The following SLIT3 variants were observed in gnomAD, a reference collection of about 807,000 sequenced individuals.
The protein encoded by SLIT3 is slit guidance ligand 3, also known as slit homolog 3 protein.
A neutral mutation model predicts 184.0 loss-of-function variants in SLIT3; 68 were observed. The ratio of observed to expected loss-of-function variants is 0.37; its 90% CI spans 0.30 to 0.45. The LOEUF is 0.45. SLIT3 is among the 20% of genes least tolerant of loss of function. The probability of loss-of-function intolerance (pLI) is 1.00; values close to 1 mark genes in which losing one functional copy is unlikely to be tolerated. For missense variants in SLIT3, 1,707 were observed against 2,026.0 expected (o/e 0.84, Z 3.02); for synonymous variants, 831 against 828.6 (o/e 1.00, Z -0.05).
At chr5:168,921,078 AT>A (rs1037310377) in intron 4 of SLIT3, among the ~76,000 whole-genome samples, 9 of 151,922 alleles carry the variant, frequency 5.9e-5, no homozygotes, top group African/African-American at 2.2e-4. Context: ...TAAAACCCTG[AT>A]TTTTCCCCTC....
intron 3 of SLIT3, among the ~76,000 whole-genome samples, chr5:169,229,407 T>C (rs929619165): frequency 6.6e-6 from 1 of 152,240 alleles, no homozygotes; most frequent in Non-Finnish European, 1.5e-5. Flanking sequence ...TGTCTGTATG[T>C]CTTTTTAGAG....
chr5:168,670,751 T>A (rs1355121924), intron 34 of SLIT3, among the ~76,000 whole-genome samples: 2 of 152,174 alleles, frequency 1.3e-5, no homozygotes, highest in Non-Finnish European at 2.9e-5. Flanking sequence ...CTGGATCTCC[T>A]ATATTTAGCA....
At chr5:168,807,719 C>T (rs75823200) in intron 8 of SLIT3, among the ~76,000 whole-genome samples, 16,403 of 152,078 alleles carry the variant, frequency 0.11, 1,191 homozygotes, top group African/African-American at 0.19. Context: ...AGATTAAACA[C>T]AGAACATGAA....
At chr5:168,860,197 GAGA>G (rs982816568) in intron 5 of SLIT3, among the ~76,000 whole-genome samples, 2 of 152,144 alleles carry the variant, frequency 1.3e-5, no homozygotes, top group African/African-American at 4.8e-5. Flanking sequence ...AAGGATTAGA[GAGA>G]AGAATTACTT....
chr5:168,857,191 A>G (rs1758913761), intron 5 of SLIT3, among the ~76,000 whole-genome samples: 1 of 152,120 alleles, frequency 6.6e-6, no homozygotes, highest in African/African-American at 2.4e-5. Context: ...TCTCCATTGC[A>G]GCTACTTCTA....
chr5:169,190,659 A>G (rs556405337), intron 4 of SLIT3, among the ~76,000 whole-genome samples: 75 of 152,336 alleles, frequency 4.9e-4, no homozygotes, highest in Non-Finnish European at 9.0e-4. Flanking sequence ...ACTAATAAAA[A>G]AAGTAGTATC....
At chr5:168,719,808 G>C (rs1230986978) in intron 23 of SLIT3, 1 of 152,180 alleles carries the variant, frequency 6.6e-6, no homozygotes, top group Non-Finnish European at 1.5e-5. Flanking sequence ...GGCAGAAAAT[G>C]GTTGCTCCCC....
At chr5:169,229,465 A>G (rs1438692637) in intron 3 of SLIT3, among the ~76,000 whole-genome samples, 1 of 152,202 alleles carries the variant, frequency 6.6e-6, no homozygotes, top group Non-Finnish European at 1.5e-5. Flanking sequence ...TTCCTATCAG[A>G]CATAAAAGAC....
In SLIT3 at chr5:169,037,576, C is replaced by G. The variant is rs563176869; in HGVS notation, c.414-154240G>C. 3.9e-5 allele frequency: 6 copies of G among 152,342 alleles called. No individual in the cohort carries two copies. The East Asian group carries it at 1.2e-3, about 29-fold the overall frequency. The allele number at this position is 152,342 out of a possible 1,614,324, so 9.4% of individuals were successfully genotyped here. ...TGACATGATGTCTCGTGTAATTGGA[C>G]GTGTTTCACGCTAACATCAAAGCCT... On this transcript the variant is annotated intron_variant, in intron 4 of 35. Transcript: ENST00000519560.
At chr5:169,243,922 A>G (rs1276159612) in intron 3 of SLIT3, among the ~76,000 whole-genome samples, 1 of 152,276 alleles carries the variant, frequency 6.6e-6, no homozygotes, top group East Asian at 1.9e-4. Flanking sequence ...CTCAGAGGGC[A>G]GAAAGCAAAT....
At chr5:168,839,827 C>T (rs114360162) in intron 6 of SLIT3, among the ~76,000 whole-genome samples, 4,516 of 152,266 alleles carry the variant, frequency 0.03, 241 homozygotes, top group African/African-American at 0.1. Flanking sequence ...GTGCCCAATG[C>T]GGACAGAAAC....
At chr5:168,790,358 A>G (rs1378474215) in intron 10 of SLIT3, 3 of 152,270 alleles carry the variant, frequency 2.0e-5, no homozygotes, top group African/African-American at 7.2e-5. Flanking sequence ...GGAGGATTCT[A>G]TTAATGCTGG....
chr5:168,917,150 C>T (rs1442251788), intron 4 of SLIT3, among the ~76,000 whole-genome samples: 1 of 152,180 alleles, frequency 6.6e-6, no homozygotes, highest in Non-Finnish European at 1.5e-5. Flanking sequence ...AACATCATTG[C>T]ATAATAATCA....
chr5:168,777,063 C>T (rs1161533631), intron 12 of SLIT3, among the ~76,000 whole-genome samples: 8 of 93,028 alleles, frequency 8.6e-5, no homozygotes, highest in African/African-American at 3.9e-4. Context: ...AAATTTCATA[C>T]AACACACACA....
intron 4 of SLIT3, among the ~76,000 whole-genome samples, chr5:169,136,109 C>A (rs1279338909): frequency 6.6e-6 from 1 of 152,152 alleles, no homozygotes; most frequent in African/African-American, 2.4e-5. Flanking sequence ...TCTTTTCCTA[C>A]CAAATAGGAG....
intron 12 of SLIT3, 98 bp from the exon 13 acceptor site, chr5:168,774,476 AC>A (rs893680166): frequency 7.8e-7 from 1 of 1,274,270 alleles, no homozygotes; most frequent in African/African-American, 1.5e-5. Flanking sequence ...AGCTCCCATC[AC>A]TCATCCTTGC....
intron 4 of SLIT3, among the ~76,000 whole-genome samples, chr5:169,070,221 G>A (rs1309391601): frequency 6.6e-6 from 1 of 152,154 alleles, no homozygotes; most frequent in Non-Finnish European, 1.5e-5. Flanking sequence ...ATGTTCGAGT[G>A]ATGTGTCCTT....
At position 168,754,003 on chromosome 5, in the gene SLIT3, G is replaced by A. The variant is rs1305877660; in HGVS notation, c.1690C>T (p.Leu564=). 1 of 1,580,164 alleles carries A rather than the reference G, an allele frequency of 6.3e-7. No individual in the cohort carries two copies. The change falls in exon 17 of 36, where the codon CTG becomes TTG. Residue 564 remains leucine (L), a synonymous_variant. Coordinates refer to ENST00000519560, the MANE Select transcript of SLIT3 (RefSeq NM_003062.4). ...KKLPNLRKIN[L]SNNKIKEVRE... is the part of the protein sequence containing the mutation. ...ACCTCCTTGATCTTATTGTTACTCA[G>A]ATTTCTAGAAGGAAGAAACAGAATA...
chr5:168,712,342 G>A lies in SLIT3; in HGVS notation c.2496C>T (p.Gly832=). The change falls in exon 24 of 36, where the codon GGC becomes GGT. Residue 832 remains glycine, a synonymous_variant. Coordinates refer to ENST00000519560, the MANE Select transcript of SLIT3 (RefSeq NM_003062.4). ...CTTCAGGAACGCTGGAAATGTCATT[G>A]CCATGGAGGGTTCTGAAGCAGAGGG... is the stretch of plus-strand genomic sequence containing the variant. ...LRSLRVLTLH[G]NDISSVPEGS... The A allele has an allele frequency of 6.2e-7, 1 of 1,614,104 alleles. No homozygotes were observed.
Sources: gnomAD v4.1 joint callset for allele counts (sites outside exome capture counted in the v4.1 genomes callset) on GRCh38, gnomAD v4.1.1 for gene constraint, MANE v1.5 for transcripts, NCBI Gene and HGNC (gene_info 2026-07-23, HGNC 2026-07-21) for gene names.